PCDHB8: variants seen among roughly 807,000 people sequenced by gnomAD.
The protein encoded by PCDHB8 is protocadherin beta 8.
For synonymous variants in PCDHB8, 385 were observed against 448.5 expected (o/e 0.86, Z 1.79); for missense variants, 836 against 1,004.0 (o/e 0.83, Z 2.26).
rs1182029309 is a variant in PCDHB8, at chr5:141,177,912, C to G, written c.-123C>G. ...ATGCCAAAGGGAGGACGGCTGGGTCCTCTGGAGAGGACTACTCACTGGCAT... is the reference window on the plus strand; with the variant it reads ...ATGCCAAAGGGAGGACGGCTGGGTCGTCTGGAGAGGACTACTCACTGGCAT... On this transcript the variant is annotated 5_prime_UTR_variant, in exon 1 of 1. Transcript: ENST00000239444. The G allele has an allele frequency of 7.9e-7, 1 of 1,264,838 alleles. No homozygotes were observed. The highest frequency in any genetic ancestry group is 1.1e-6 in the Non-Finnish European group (1 of 910,738). 78.4% of individuals were successfully genotyped at this position (1,264,838 alleles called of 1,614,324 possible). A position where few individuals can be genotyped will look rare whatever the true frequency, so the allele number is the denominator to read the frequency against.
chr5:141,179,207 C>T lies in PCDHB8; in HGVS notation c.1173C>T (p.Pro391=), dbSNP rs1554281122. ...GTTGCTCCATTCAGGAGGATCTACC[C>T]TTCCTCCTGAAATCTTCTGTGGGGA... is the stretch of plus-strand genomic sequence containing the variant. ...KISCSIQEDL[P]FLLKSSVGNF... is the part of the protein sequence containing the mutation. The change falls in exon 1 of 1, where the codon CCC becomes CCT. Residue 391 remains proline, a synonymous_variant. Coordinates refer to ENST00000239444, the MANE Select transcript of PCDHB8 (RefSeq NM_019120.5). The T allele has an allele frequency of 1.2e-6, 2 of 1,614,208 alleles. No individual in the cohort carries two copies. Among genetic ancestry groups the T allele is most frequent in the Non-Finnish European group, 1.7e-6 (2 of 1,180,050 alleles).
At position 141,179,645 on chromosome 5, in the gene PCDHB8, C is replaced by T. The variant is rs1233212282; in HGVS notation, c.1611C>T (p.Arg537=). The change falls in exon 1 of 1, where the codon CGC becomes CGT. Residue 537 remains arginine (R), a synonymous_variant. Coordinates refer to ENST00000239444, the MANE Select transcript of PCDHB8 (RefSeq NM_019120.5). The part of the protein sequence containing the change: ...AFEFRVGASD[R]GSPALSSEAL... ...AGTTCCGGGTGGGCGCTTCAGACCG[C>T]GGCTCCCCGGCTTTGAGCAGCGAGG... is the stretch of plus-strand genomic sequence containing the variant. 1 of 1,612,822 alleles carries T rather than the reference C, an allele frequency of 6.2e-7. No individual in the cohort carries two copies. The highest frequency in any genetic ancestry group is 2.0e-4 in the Middle Eastern group (1 of 5,114).
rs374978985 is a variant in PCDHB8 at position 141,177,989 on chromosome 5, A to T, written c.-46A>T. On this transcript the variant is annotated 5_prime_UTR_variant, in exon 1 of 1. Coordinates refer to ENST00000239444, the MANE Select transcript of PCDHB8 (RefSeq NM_019120.5). ...CAGCCTCAGATACTGGGGACTTTAC[A>T]GTCCCACAGAACCGTCCTCCCAGGA... is the stretch of plus-strand genomic sequence containing the variant. The T allele has an allele frequency of 6.2e-5, 100 of 1,613,566 alleles. No homozygotes were observed. Among genetic ancestry groups the T allele is most frequent in the Admixed American group, 5.2e-4 (31 of 59,930 alleles).
In PCDHB8 at chr5:141,180,157, TGTTC is replaced by T. The variant is rs1588356143; in HGVS notation, c.2126_2129del (p.Phe709TrpfsTer31). On this transcript the variant is annotated frameshift_variant, in exon 1 of 1. Transcript: ENST00000239444. LOFTEE classifies it low-confidence loss of function (END_TRUNC). ...TCGCTCTTCCTCTTCTCGGTGCTCC[TGTTC>T]GTGGCGGTGCTGCTGTGTAGGAGGA... 1 of 1,612,098 alleles carries T rather than the reference TGTTC, an allele frequency of 6.2e-7. No individual in the cohort carries two copies. Among genetic ancestry groups the T allele is most frequent in the Admixed American group, 1.7e-5 (1 of 59,990 alleles).
In PCDHB8 at chr5:141,180,445, T is replaced by A. The variant is rs2149658953; in HGVS notation, c.*5T>A. 1 of 1,526,744 alleles carries A rather than the reference T, an allele frequency of 6.5e-7. No homozygotes were observed. Among genetic ancestry groups the A allele is most frequent in the Middle Eastern group, 2.1e-4 (1 of 4,660 alleles). 94.6% of individuals were successfully genotyped at this position (1,526,744 alleles called of 1,614,324 possible). Reference sequence around the variant, plus strand: ...TTCAGCCTTCAGTTAAAGTAATTGATTTCATATTATATATTTTAATTTTTA... The same window carrying A: ...TTCAGCCTTCAGTTAAAGTAATTGAATTCATATTATATATTTTAATTTTTA... On this transcript the variant is annotated 3_prime_UTR_variant, in exon 1 of 1. Coordinates refer to ENST00000239444, the MANE Select transcript of PCDHB8 (RefSeq NM_019120.5).
At position 141,178,914 on chromosome 5, in the gene PCDHB8, A is replaced by C. The variant is rs1753455806; in HGVS notation, c.880A>C (p.Lys294Gln). The change falls in exon 1 of 1, where the codon AAG (lysine) becomes CAG (glutamine). Residue 294 changes from lysine to glutamine, a missense_variant. Coordinates refer to ENST00000239444, the MANE Select transcript of PCDHB8 (RefSeq NM_019120.5). ...QASDEISKTF[K>Q]VDFLTGEIRL... The stretch of plus-strand genomic sequence containing the variant: ...TTCAGATGAGATAAGCAAAACTTTT[A>C]AGGTCGATTTCTTGACAGGAGAAAT... The C allele has an allele frequency of 6.2e-7, 1 of 1,614,156 alleles. No homozygotes were observed. Among genetic ancestry groups the C allele is most frequent in the African/African-American group, 1.3e-5 (1 of 74,946 alleles).
Sources: gnomAD v4.1 joint callset for allele counts on GRCh38, gnomAD v4.1.1 for gene constraint, MANE v1.5 for transcripts, NCBI Gene and HGNC (gene_info 2026-07-23, HGNC 2026-07-21) for gene names.